Variants in EGLN1 observed in about 807,000 individuals in gnomAD.
The protein encoded by EGLN1 is egl-9 family hypoxia inducible factor 1, also known as egl nine homolog 1.
A neutral mutation model predicts 38.3 loss-of-function variants in EGLN1; 17 were observed. That is an observed-to-expected ratio of 0.44 (90% CI 0.30 to 0.67). EGLN1 has a LOEUF of 0.67. Among genes scored for constraint, EGLN1 ranks in the 30% least tolerant of loss-of-function variants. The probability of loss-of-function intolerance (pLI) is 0.08; values close to 1 mark genes in which losing one functional copy is unlikely to be tolerated. For synonymous variants in EGLN1, 283 were observed against 257.5 expected (o/e 1.10, Z -0.95); for missense variants, 477 against 603.3 (o/e 0.79, Z 2.19).
chr1:231,417,323 G>T (rs1205774655), intron 1 of EGLN1, among the ~76,000 whole-genome samples: 2 of 152,094 alleles, frequency 1.3e-5, no homozygotes, highest in Non-Finnish European at 2.9e-5. Flanking sequence ...TGTTTTAACG[G>T]AACAGATGAA....
In EGLN1 at chr1:231,366,425, T is replaced by A; in HGVS notation, c.1267A>T (p.Lys423Ter). Residue 423 changes from lysine (K) to a stop codon, truncating the protein, a stop_gained, in exon 5 of 5, where the codon AAA becomes TAA. Coordinates refer to ENST00000366641, the MANE Select transcript of EGLN1 (RefSeq NM_022051.3). LOFTEE classifies it high-confidence loss of function. ...GATCAAAGGCTCTAGAAGACGTCTT[T>A]ACCGACCGAATCTGAAGGTTTATTG... Reference protein sequence around the residue: ...ELNKPSDSVGKDVF With the variant: ...ELNKPSDSVG The A allele has an allele frequency of 6.2e-7, 1 of 1,614,064 alleles. No homozygotes were observed. The highest frequency in any genetic ancestry group is 1.1e-5 in the South Asian group (1 of 91,070).
In EGLN1 at chr1:231,421,630, T is replaced by C. The variant is rs1167403455; in HGVS notation, c.259A>G (p.Arg87Gly). The change falls in exon 1 of 5, where the codon AGG becomes GGG. Residue 87 changes from arginine to glycine, a missense_variant. Physicochemically the swap from Arg to Gly is moderately radical, Grantham distance 125. Around this residue, in one of 4 missense-constraint regions of EGLN1, gnomAD observed 298 missense variants for 288.9 expected, o/e 1.03. Coordinates refer to ENST00000366641, the MANE Select transcript of EGLN1 (RefSeq NM_022051.3). This position sits in a 1 kb window ranked among gnomAD's most constrained non-coding sequence, Gnocchi z 5.5. ...TTCCTGGGCTCCCGGGCCCCGGCCC[T>C]GGGCGGCGGCACTGCAGCCGGCGGC... ...PAPPAAVPPP[R>G]AGAREPRKAA... 1.4e-6 allele frequency: 2 copies of C among 1,423,802 alleles called. No individual in the cohort carries two copies. The highest frequency in any genetic ancestry group is 1.8e-6 in the Non-Finnish European group (2 of 1,092,398). The allele number at this position is 1,423,802 out of a possible 1,614,324, so 88.2% of individuals were successfully genotyped here.
In EGLN1 at chr1:231,383,853, T is replaced by C. The variant is rs965243101; in HGVS notation, c.892-9754A>G. ...GACTTATCAGGTATGGCATGAGGCC[T>C]GAGATCCCGTACTTTTTTTTCTTGA... On this transcript the variant is annotated intron_variant, in intron 1 of 4. Coordinates refer to ENST00000366641, the MANE Select transcript of EGLN1 (RefSeq NM_022051.3). 7.9e-5 allele frequency among the ~76,000 whole-genome samples: 12 copies of C among 152,242 alleles called. No individual in the cohort carries two copies. The East Asian group carries it at 2.1e-3, about 27-fold the overall frequency.
intron 1 of EGLN1, 52 bp downstream of exon 1, chr1:231,420,946 G>A: frequency 6.2e-7 from 1 of 1,613,590 alleles, no homozygotes; most frequent in Non-Finnish European, 8.5e-7. Flanking sequence ...CGCAGGCAGG[G>A]GCTGCCCGCC....
In EGLN1 at chr1:231,405,322, G is replaced by A. The variant is rs1302925149; in HGVS notation, c.891+15676C>T. Among the ~76,000 whole-genome samples the A allele has an allele frequency of 1.3e-5, 2 of 151,982 alleles. 1 individual carries two copies. The highest frequency in any genetic ancestry group is 4.2e-4 in the South Asian group (2 of 4,808). ...TGAGTAGCTGGGACTACAGGCTACA[G>A]GTGCCCGCCACCATGCCCGGCTTTT... is the stretch of plus-strand genomic sequence containing the variant. On this transcript the variant is annotated intron_variant, in intron 1 of 4. Coordinates refer to ENST00000366641, the MANE Select transcript of EGLN1 (RefSeq NM_022051.3).
intron 1 of EGLN1, among the ~76,000 whole-genome samples, chr1:231,414,488 T>C (rs1447242348): frequency 6.6e-6 from 1 of 152,136 alleles, no homozygotes; most frequent in Non-Finnish European, 1.5e-5. Context: ...AGACAGCTCC[T>C]ACTAAAGAAA....
At chr1:231,398,590 A>G (rs1248971134) in intron 1 of EGLN1, among the ~76,000 whole-genome samples, 1 of 152,248 alleles carries the variant, frequency 6.6e-6, no homozygotes, top group African/African-American at 2.4e-5. Flanking sequence ...GGCAAGGCTC[A>G]CAAAGCCCAA....
At position 231,399,523 on chromosome 1, in the gene EGLN1, A is replaced by G. The variant is rs534662375; in HGVS notation, c.891+21475T>C. Among the ~76,000 whole-genome samples the G allele has an allele frequency of 9.8e-5, 15 of 152,358 alleles. No homozygotes were observed. The East Asian group carries it at 2.7e-3, about 27-fold the overall frequency. On this transcript the variant is annotated intron_variant, in intron 1 of 4. Transcript: ENST00000366641. ...AAGAAGGAATGGTTCAAGAGATCAC[A>G]GAAAGCCATGGCAGTACAGTATCAT...
chr1:231,396,217 C>T (rs555623492), intron 1 of EGLN1, among the ~76,000 whole-genome samples: 1 of 151,432 alleles, frequency 6.6e-6, no homozygotes, highest in South Asian at 2.1e-4. Context: ...CTCTACTGAC[C>T]CAGGCAGTTT....
intron 1 of EGLN1, among the ~76,000 whole-genome samples, chr1:231,412,900 C>T (rs1208771469): frequency 6.6e-6 from 1 of 152,194 alleles, no homozygotes; most frequent in Non-Finnish European, 1.5e-5. Context: ...TTAAGTCATT[C>T]ATGACTCTTC....
intron 1 of EGLN1, among the ~76,000 whole-genome samples, chr1:231,389,890 G>A (rs571487975): frequency 6.6e-6 from 1 of 152,176 alleles, no homozygotes; most frequent in Non-Finnish European, 1.5e-5. Flanking sequence ...AGAGGTTGCA[G>A]TGAACTGAGA....
intron 1 of EGLN1, among the ~76,000 whole-genome samples, chr1:231,387,225 C>T (rs1355563984): frequency 8.5e-6 from 1 of 117,306 alleles, no homozygotes; most frequent in Non-Finnish European, 1.9e-5. Context: ...CACCGGCATG[C>T]TATATATGTA....
chr1:231,421,847 G>A lies in EGLN1; in HGVS notation c.42C>T (p.Ser14=). ...DSGGPGGPSP[S]ERDRQYCELC... ...GCTCGCAGTACTGCCGGTCTCGCTC[G>A]CTCGGGCTCGGCCCGCCGGGCCCGC... Residue 14 remains serine, a synonymous_variant, in exon 1 of 5, where the codon AGC becomes AGT. Coordinates refer to ENST00000366641, the MANE Select transcript of EGLN1 (RefSeq NM_022051.3). The surrounding 1 kb of genome is among the most constrained non-coding windows in gnomAD (Gnocchi z 5.5). 6.7e-7 allele frequency: 1 copy of A among 1,502,112 alleles called. No individual in the cohort carries two copies. The highest frequency in any genetic ancestry group is 8.8e-7 in the Non-Finnish European group (1 of 1,134,438). The allele number at this position is 1,502,112 out of a possible 1,614,324, so 93.0% of individuals were successfully genotyped here. A position where few individuals can be genotyped will look rare whatever the true frequency, so the allele number is the denominator to read the frequency against.
chr1:231,409,168 G>T (rs1319655382), intron 1 of EGLN1, among the ~76,000 whole-genome samples: 1 of 150,678 alleles, frequency 6.6e-6, no homozygotes, highest in African/African-American at 2.4e-5. Flanking sequence ...AAAACATCAT[G>T]CTGTTTCCAG....
chr1:231,418,685 C>T (rs1261025120), intron 1 of EGLN1, among the ~76,000 whole-genome samples: 1 of 152,064 alleles, frequency 6.6e-6, no homozygotes, highest in Non-Finnish European at 1.5e-5. Flanking sequence ...CAGCAAGACC[C>T]TGACTCTACA....
rs1228589028 is a variant in EGLN1 at position 231,420,986 on chromosome 1, G to A, written c.891+12C>T. The A allele has an allele frequency of 3.7e-6, 6 of 1,613,932 alleles. No homozygotes were observed. The highest frequency in any genetic ancestry group is 5.1e-6 in the Non-Finnish European group (6 of 1,179,982). ...AGGGCCTGTCCAGCACAAACCCGCA[G>A]CACACACTTACTTTCGTCCGGCCAT... is the stretch of plus-strand genomic sequence containing the variant. On this transcript the variant is annotated intron_variant, in intron 1 of 4. Transcript: ENST00000366641.
At chr1:231,391,832 C>T (rs1688397593) in intron 1 of EGLN1, among the ~76,000 whole-genome samples, 1 of 151,252 alleles carries the variant, frequency 6.6e-6, no homozygotes, top group Non-Finnish European at 1.5e-5. Context: ...AAAGACTAAA[C>T]AAAGATTAAC....
intron 1 of EGLN1, among the ~76,000 whole-genome samples, chr1:231,391,160 A>C (rs1277047120): frequency 6.7e-6 from 1 of 148,480 alleles, no homozygotes; most frequent in African/African-American, 2.5e-5. Flanking sequence ...TCTGTTGCCC[A>C]GGCTGGTCTC....
chr1:231,374,203 A>T, intron 1 of EGLN1, 104 bp from the exon 2 acceptor site: 1 of 956,978 alleles, frequency 1.0e-6, no homozygotes, highest in East Asian at 2.6e-5. Flanking sequence ...TTACACTTAG[A>T]TTCTTCTAAT....
Sources: allele counts gnomAD v4.1 joint callset (sites outside exome capture counted in the v4.1 genomes callset), GRCh38; gene constraint gnomAD v4.1.1; regional missense constraint gnomAD v4.1.1; non-coding constraint Gnocchi (gnomAD v3.1); transcripts MANE v1.5; gene names NCBI Gene and HGNC (gene_info 2026-07-23, HGNC 2026-07-21).